BEST2: variants seen among roughly 807,000 people sequenced by gnomAD.
BEST2 encodes the protein bestrophin-2a.
BEST2 carries 36 observed loss-of-function variants against 49.0 expected under a neutral mutation model. The ratio of observed to expected loss-of-function variants is 0.73; its 90% CI spans 0.56 to 0.97. The LOEUF (loss-of-function observed/expected upper bound fraction) is 0.97. BEST2 is among the 50% of genes least tolerant of loss of function. The pLI is 0.00. For synonymous variants in BEST2, 335 were observed against 304.4 expected (o/e 1.10, Z -1.05); for missense variants, 672 against 710.0 (o/e 0.95, Z 0.61).
Position 12,752,721 on chromosome 19 carries a change from C to T in BEST2, c.129C>T (p.Tyr43=), listed in dbSNP as rs1240562290. ...AGCTGCTCTGCTTCCTTGGGTTCTA[C>T]ATGGCGCTGAGTGCTGCCTACCGGT... The part of the protein sequence containing the change: ...WRELLCFLGF[Y]MALSAAYRFV... The change falls in exon 2 of 10, where the codon TAC becomes TAT. Residue 43 remains tyrosine (Y), a synonymous_variant. Coordinates refer to ENST00000553030, the MANE Select transcript of BEST2 (RefSeq NM_017682.3). 14 of 1,612,204 alleles carry T rather than the reference C, an allele frequency of 8.7e-6. No individual in the cohort carries two copies. The highest frequency in any genetic ancestry group is 2.7e-5 in the African/African-American group (2 of 74,762).
chr19:12,756,647 G>T, intron 9 of BEST2: 1 of 271,724 alleles, frequency 3.7e-6, no homozygotes, highest in Middle Eastern at 1.3e-3. Context: ...CAGGAGTTCA[G>T]ACCAGCCTGG....
intron 9 of BEST2, 111 bp downstream of exon 9, chr19:12,756,406 A>G (rs887061367): frequency 1.4e-6 from 2 of 1,413,382 alleles, no homozygotes; most frequent in African/African-American, 1.4e-5. Flanking sequence ...GATAAGAGCT[A>G]AAGTCTCAGG....
intron 3 of BEST2, 21 bp from the exon 4 acceptor site, chr19:12,754,531 C>T: frequency 2.0e-6 from 3 of 1,472,062 alleles, no homozygotes; most frequent in Non-Finnish European, 1.8e-6. Flanking sequence ...CACTGAGCCC[C>T]CATTCCCCGC....
At chr19:12,753,422 A>G (rs992874779) in intron 3 of BEST2, 68 bp downstream of exon 3, 2 of 1,461,276 alleles carry the variant, frequency 1.4e-6, no homozygotes, top group African/African-American at 2.9e-5. Context: ...ATGCCTTTTG[A>G]GGAGCCCCCA....
intron 9 of BEST2, chr19:12,756,803 A>G: frequency 1.2e-5 from 2 of 163,502 alleles, no homozygotes; most frequent in South Asian, 3.2e-4. Context: ...CCATAATGAC[A>G]CCACTGCACT....
chr19:12,753,795 T>G lies in BEST2; in HGVS notation c.247+441T>G, dbSNP rs1275004322. Among the ~76,000 whole-genome samples the G allele has an allele frequency of 2.6e-5, 4 of 152,148 alleles. No individual in the cohort carries two copies. In the East Asian group the frequency reaches 5.8e-4, roughly 22 times the overall value. On this transcript the variant is annotated intron_variant, in intron 3 of 9. Coordinates refer to ENST00000553030, the MANE Select transcript of BEST2 (RefSeq NM_017682.3). ...CCCTAGCCTGCCCAAGGCTCCCTGA[T>G]GTAGACCCTGTCCCCAACCCCTTCA...
In BEST2 at chr19:12,754,606, C is replaced by T. The variant is rs1347434462; in HGVS notation, c.302C>T (p.Pro101Leu). ...NRWWSQYLCM[P>L]LPDALMCVVA... Reference sequence around the variant, plus strand: ...TGGTGGAGCCAGTACCTATGCATGCCGCTGCCCGACGCGCTCATGTGCGTG... The same window carrying T: ...TGGTGGAGCCAGTACCTATGCATGCTGCTGCCCGACGCGCTCATGTGCGTG... Residue 101 changes from proline (P) to leucine (L), a missense_variant, in exon 4 of 10, where the codon CCG becomes CTG. Transcript: ENST00000553030. 6.4e-7 allele frequency: 1 copy of T among 1,563,766 alleles called. No individual in the cohort carries two copies. Among genetic ancestry groups the T allele is most frequent in the Non-Finnish European group, 8.7e-7 (1 of 1,150,588 alleles).
chr19:12,753,370 A>G lies in BEST2; in HGVS notation c.247+16A>G, dbSNP rs1967895356. On this transcript the variant is annotated intron_variant, in intron 3 of 9. Coordinates refer to ENST00000553030, the MANE Select transcript of BEST2 (RefSeq NM_017682.3). ...TTCGTGCTTGGTGCGGTCCAACCCC[A>G]AGTCCCCCGTTCCCATGTCCCTGAG... is the stretch of plus-strand genomic sequence containing the variant. The G allele has an allele frequency of 6.2e-7, 1 of 1,610,932 alleles. No homozygotes were observed. The highest frequency in any genetic ancestry group is 1.1e-5 in the South Asian group (1 of 91,008).
chr19:12,754,532 C>A lies in BEST2; in HGVS notation c.248-20C>A. The A allele has an allele frequency of 6.8e-7, 1 of 1,473,654 alleles. No individual in the cohort carries two copies. Among genetic ancestry groups the A allele is most frequent in the Non-Finnish European group, 9.1e-7 (1 of 1,102,814 alleles). 91.3% of individuals were successfully genotyped at this position (1,473,654 alleles called of 1,614,324 possible). ...GGCCCTGGTGTCCCCACTGAGCCCC[C>A]ATTCCCCGCTCCCCTGCAGGCTTTT... On this transcript the variant is annotated intron_variant, in intron 3 of 9. Transcript: ENST00000553030.
chr19:12,755,393 T>C lies in BEST2; in HGVS notation c.651T>C (p.Phe217=), dbSNP rs1967928773. Residue 217 remains phenylalanine (F), a synonymous_variant, in exon 6 of 10, where the codon TTT becomes TTC. Coordinates refer to ENST00000553030, the MANE Select transcript of BEST2 (RefSeq NM_017682.3). The surrounding 1 kb of genome is among the most constrained non-coding windows in gnomAD (Gnocchi z 4.4). ...LKLLLEELNV[F]RGKCGMLFHY... ...TCCACCCCCAGGAGCTGAATGTTTT[T>C]CGGGGCAAATGTGGAATGCTCTTTC... The C allele has an allele frequency of 6.2e-7, 1 of 1,614,192 alleles. No individual in the cohort carries two copies. The highest frequency in any genetic ancestry group is 8.5e-7 in the Non-Finnish European group (1 of 1,180,044).
chr19:12,756,154 C>G lies in BEST2; in HGVS notation c.962C>G (p.Ala321Gly), dbSNP rs1260645848. 11 of 1,614,128 alleles carry G rather than the reference C, an allele frequency of 6.8e-6. No homozygotes were observed. The highest frequency in any genetic ancestry group is 2.2e-5 in the East Asian group (1 of 44,902). ...TTGCACCCGTAGGTGTCCATGCTGGCAGTGGACGAGATGTATGATGACCTG... is the reference window on the plus strand; with the variant it reads ...TTGCACCCGTAGGTGTCCATGCTGGGAGTGGACGAGATGTATGATGACCTG... Reference protein sequence around the residue: ...IDRNFQVSMLAVDEMYDDLAV... With the variant: ...IDRNFQVSMLGVDEMYDDLAV... Residue 321 changes from alanine (A) to glycine (G), a missense_variant, in exon 9 of 10, where the codon GCA (alanine) becomes GGA (glycine). Coordinates refer to ENST00000553030, the MANE Select transcript of BEST2 (RefSeq NM_017682.3).
chr19:12,752,691 G>A lies in BEST2; in HGVS notation c.99G>A (p.Trp33Ter). 4 of 1,607,094 alleles carry A rather than the reference G, an allele frequency of 2.5e-6. No homozygotes were observed. The highest frequency in any genetic ancestry group is 3.4e-6 in the Non-Finnish European group (4 of 1,177,604). Residue 33 changes from tryptophan to a stop codon, truncating the protein, a stop_gained, in exon 2 of 10, where the codon TGG becomes TGA. Transcript: ENST00000553030. LOFTEE classifies it high-confidence loss of function. ...LWRGSIYKLL[W>*]RELLCFLGFY... ...GTGGGAGCATCTACAAACTCCTGTGGCGAGAGCTGCTCTGCTTCCTTGGGT... is the reference window on the plus strand; with the variant it reads ...GTGGGAGCATCTACAAACTCCTGTGACGAGAGCTGCTCTGCTTCCTTGGGT...
chr19:12,755,169 G>A lies in BEST2; in HGVS notation c.636+138G>A. The stretch of plus-strand genomic sequence containing the variant: ...ACCAGGTGCACTCTTACCTCCATGG[G>A]GCTGATTCCAATGCCCTTGAGGGGC... On this transcript the variant is annotated intron_variant, in intron 5 of 9. Transcript: ENST00000553030. The surrounding 1 kb of genome is among the most constrained non-coding windows in gnomAD (Gnocchi z 4.4). The A allele has an allele frequency of 8.3e-7, 1 of 1,212,094 alleles. No individual in the cohort carries two copies. Among genetic ancestry groups the A allele is most frequent in the South Asian group, 1.5e-5 (1 of 64,596 alleles). 75.1% of individuals were successfully genotyped at this position (1,212,094 alleles called of 1,614,324 possible).
Position 12,758,023 on chromosome 19 carries a change from G to A in BEST2, c.1476G>A (p.Pro492=). 5 of 1,613,090 alleles carry A rather than the reference G, an allele frequency of 3.1e-6. No homozygotes were observed. Among genetic ancestry groups the A allele is most frequent in the Non-Finnish European group, 4.2e-6 (5 of 1,179,938 alleles). ...SIVTMPGPRG[P]APPWLPSPIG... ...TGACCATGCCCGGGCCCCGGGGTCC[G>A]GCGCCACCCTGGCTGCCCAGCCCTA... Residue 492 remains proline, a synonymous_variant, in exon 10 of 10, where the codon CCG becomes CCA. Transcript: ENST00000553030.
rs540521871 is a variant in BEST2, at chr19:12,757,645, C to T, written c.1104-6C>T. 5 of 1,533,862 alleles carry T rather than the reference C, an allele frequency of 3.3e-6. No individual in the cohort carries two copies. In the East Asian group the frequency reaches 9.8e-5, roughly 30 times the overall value. ...CCGCAGCGCTGGCCCACTGTCGGTC[C>T]CGCAGGCTGGCCAAAGAAGACATGC... On this transcript the variant is annotated splice_polypyrimidine_tract_variant and splice_region_variant and intron_variant, in intron 9 of 9. Coordinates refer to ENST00000553030, the MANE Select transcript of BEST2 (RefSeq NM_017682.3).
chr19:12,756,169 A>G lies in BEST2; in HGVS notation c.977A>G (p.Tyr326Cys). The change falls in exon 9 of 10, where the codon TAT (tyrosine) becomes TGT (cysteine). Residue 326 changes from tyrosine to cysteine, a missense_variant. By Grantham distance (194) the Tyr-to-Cys change is radical. Coordinates refer to ENST00000553030, the MANE Select transcript of BEST2 (RefSeq NM_017682.3). ...TCCATGCTGGCAGTGGACGAGATGT[A>G]TGATGACCTGGCTGTGCTGGAGAAG... is the stretch of plus-strand genomic sequence containing the variant. Reference protein sequence around the residue: ...QVSMLAVDEMYDDLAVLEKDL... With the variant: ...QVSMLAVDEMCDDLAVLEKDL... The G allele has an allele frequency of 6.2e-7, 1 of 1,614,224 alleles. No homozygotes were observed. The highest frequency in any genetic ancestry group is 8.5e-7 in the Non-Finnish European group (1 of 1,180,030).
At position 12,755,539 on chromosome 19, in the gene BEST2, G is replaced by C; in HGVS notation, c.715-76G>C. On this transcript the variant is annotated intron_variant, in intron 6 of 9. Transcript: ENST00000553030. The surrounding 1 kb of genome is among the most constrained non-coding windows in gnomAD (Gnocchi z 4.4). ...CAAGGGGAAACCAAGAACTAGCTAA[G>C]ACCCCCATCATAATGATGCCTAATC... The C allele has an allele frequency of 6.2e-7, 1 of 1,608,842 alleles. No individual in the cohort carries two copies. Among genetic ancestry groups the C allele is most frequent in the Non-Finnish European group, 8.5e-7 (1 of 1,175,680 alleles).
At chr19:12,752,798 T>G (rs1967886733) in intron 2 of BEST2, 54 bp downstream of exon 2, 2 of 1,124,238 alleles carry the variant, frequency 1.8e-6, no homozygotes, top group African/African-American at 3.3e-5. Context: ...AGCTATTATA[T>G]ATATATAATA....
In BEST2 at chr19:12,755,705, C is replaced by T. The variant is rs1325974343; in HGVS notation, c.805C>T (p.Leu269=). 3.8e-5 allele frequency: 62 copies of T among 1,614,140 alleles called. No individual in the cohort carries two copies. The highest frequency in any genetic ancestry group is 5.3e-5 in the Non-Finnish European group (62 of 1,180,034). ...GGCTCAGGGTTACAAAGACCACGAC[C>T]TAGACCTGTGTGTGCCCATCTTCAC... is the stretch of plus-strand genomic sequence containing the variant. The part of the protein sequence containing the change: ...DPAQGYKDHD[L]DLCVPIFTLL... The change falls in exon 7 of 10, where the codon CTA becomes TTA. Residue 269 remains leucine, a synonymous_variant. Transcript: ENST00000553030. The surrounding 1 kb of genome is among the most constrained non-coding windows in gnomAD (Gnocchi z 4.4).
Sources: gnomAD v4.1 joint callset for allele counts (sites outside exome capture counted in the v4.1 genomes callset) on GRCh38, gnomAD v4.1.1 for gene constraint, Gnocchi (gnomAD v3.1) non-coding constraint, MANE v1.5 for transcripts, NCBI Gene and HGNC (gene_info 2026-07-23, HGNC 2026-07-21) for gene names.